GMPR: variants seen among roughly 807,000 people sequenced by gnomAD.
The protein encoded by GMPR is guanosine monophosphate reductase, also known as GMP reductase 1.
GMPR carries 31 observed loss-of-function variants against 38.4 expected under a neutral mutation model. The observed-to-expected ratio is 0.81, with a 90% CI of 0.61 to 1.09. The LOEUF (loss-of-function observed/expected upper bound fraction) is 1.09, where lower values mean the gene tolerates loss of function less well. Ranked by LOEUF, GMPR falls within the 50% of genes least tolerant of loss-of-function variation. The pLI is 0.00. For missense variants in GMPR, 468 were observed against 453.7 expected, an observed-to-expected ratio of 1.03 and a Z score of -0.29; for synonymous variants, 162 against 173.3, an observed-to-expected ratio of 0.93 and a Z score of 0.51.
At chr6:16,256,937 AC>A (rs1758991925) in intron 4 of GMPR, among the ~76,000 whole-genome samples, 1 of 151,982 alleles carries the variant, frequency 6.6e-6, no homozygotes, top group South Asian at 2.1e-4. Context: ...TTAATCTTTG[AC>A]CCTGGTTCCT....
chr6:16,293,519 T>C lies in GMPR; in HGVS notation c.858-1487T>C, dbSNP rs551402210. Among the ~76,000 whole-genome samples the C allele has an allele frequency of 2.0e-5, 3 of 152,314 alleles. No homozygotes were observed. In the East Asian group the frequency reaches 5.8e-4, roughly 29 times the overall value. On this transcript the variant is annotated intron_variant, in intron 8 of 8. Coordinates refer to ENST00000259727, the MANE Select transcript of GMPR (RefSeq NM_006877.4). ...GTTCAGCAACCAAGAGTTAAGCCCC[T>C]TTTGAAATTCTAGATAATGAATGTC...
intron 6 of GMPR, among the ~76,000 whole-genome samples, chr6:16,281,825 G>A (rs1759580165): frequency 6.6e-6 from 1 of 152,116 alleles, no homozygotes; most frequent in South Asian, 2.1e-4. Context: ...TTCCTTTTAC[G>A]TCAATGCTGA....
chr6:16,263,302 C>A (rs1346762436), intron 4 of GMPR: 1 of 151,874 alleles, frequency 6.6e-6, no homozygotes, highest in East Asian at 1.9e-4. Flanking sequence ...TTGAAAGTGC[C>A]ATTTTCCGGC....
chr6:16,277,459 C>T (rs531712396), intron 5 of GMPR, among the ~76,000 whole-genome samples: 1 of 152,232 alleles, frequency 6.6e-6, no homozygotes, highest in Admixed American at 6.5e-5. Flanking sequence ...CACCTTTACC[C>T]TGTCCCCAGA....
chr6:16,277,130 G>C (rs888019282), intron 5 of GMPR, among the ~76,000 whole-genome samples: 4 of 152,310 alleles, frequency 2.6e-5, no homozygotes, highest in South Asian at 2.1e-4. Context: ...GTTGCAGGGC[G>C]GGGGGAAGGC....
intron 4 of GMPR, among the ~76,000 whole-genome samples, chr6:16,261,329 A>T (rs1759081972): frequency 6.6e-6 from 1 of 151,998 alleles, no homozygotes; most frequent in South Asian, 2.1e-4. Context: ...TTTGGGCTTG[A>T]CTGAAGTAAT....
chr6:16,290,261 G>GT lies in GMPR; in HGVS notation c.698-200dup. On this transcript the variant is annotated intron_variant, in intron 7 of 8. Coordinates refer to ENST00000259727, the MANE Select transcript of GMPR (RefSeq NM_006877.4). The stretch of plus-strand genomic sequence containing the variant: ...CAGTAGGCTGCATTTGTTTCTCGCA[G>GT]TGTCCCATGGCCCTTTCTCCCTGCA... 1.6e-5 allele frequency: 10 copies of GT among 627,954 alleles called. No individual in the cohort carries two copies. In the South Asian group the frequency reaches 2.0e-4, roughly 12 times the overall value. 38.9% of individuals were successfully genotyped at this position (627,954 alleles called of 1,614,324 possible).
chr6:16,271,008 A>C lies in GMPR; in HGVS notation c.466-3407A>C, dbSNP rs772851551. ...TAGAGACCAGCCTGGGCAACATAGC[A>C]AGGCCCTATCTCTGCTTTAAAAATA... On this transcript the variant is annotated intron_variant, in intron 4 of 8. Coordinates refer to ENST00000259727, the MANE Select transcript of GMPR (RefSeq NM_006877.4). Among the ~76,000 whole-genome samples the C allele has an allele frequency of 1.3e-3, 197 of 151,812 alleles. 1 individual carries two copies. The highest frequency in any genetic ancestry group is 2.3e-3 in the Non-Finnish European group (154 of 67,928).
At chr6:16,271,596 C>T (rs1461459252) in intron 4 of GMPR, among the ~76,000 whole-genome samples, 2 of 152,172 alleles carry the variant, frequency 1.3e-5, no homozygotes, top group Non-Finnish European at 2.9e-5. Context: ...AGAACTGGAG[C>T]TCGCGCCCTG....
intron 8 of GMPR, among the ~76,000 whole-genome samples, chr6:16,292,916 C>T (rs1416115690): frequency 1.3e-5 from 2 of 152,146 alleles, no homozygotes; most frequent in Non-Finnish European, 2.9e-5. Flanking sequence ...AAAGTGGATT[C>T]AAATCTTTAA....
intron 8 of GMPR, among the ~76,000 whole-genome samples, chr6:16,294,435 T>C (rs1343427289): frequency 1.3e-5 from 2 of 152,234 alleles, no homozygotes; most frequent in Non-Finnish European, 2.9e-5. Flanking sequence ...CTATCCATTT[T>C]ATGTCCTCCT....
chr6:16,294,180 C>G (rs914678940), intron 8 of GMPR, among the ~76,000 whole-genome samples: 1 of 152,166 alleles, frequency 6.6e-6, no homozygotes, highest in South Asian at 2.1e-4. Context: ...AAAATGTGAA[C>G]GTTGCTATCC....
At position 16,295,276 on chromosome 6, in the gene GMPR, G is replaced by A; in HGVS notation, c.*90G>A. The A allele has an allele frequency of 1.0e-6, 1 of 983,226 alleles. No individual in the cohort carries two copies. Among genetic ancestry groups the A allele is most frequent in the Non-Finnish European group, 1.4e-6 (1 of 701,840 alleles). The allele number at this position is 983,226 out of a possible 1,614,324, so 60.9% of individuals were successfully genotyped here. A position where few individuals can be genotyped will look rare whatever the true frequency, so the allele number is the denominator to read the frequency against. On this transcript the variant is annotated 3_prime_UTR_variant, in exon 9 of 9. Transcript: ENST00000259727. ...CCAAGTCTGTTCCGTCAGAGCTTCT[G>A]GCTGCTCCTGAATGGTGGAATGCTG... is the stretch of plus-strand genomic sequence containing the variant.
chr6:16,264,522 T>C (rs1042439356), intron 4 of GMPR: 7 of 153,962 alleles, frequency 4.5e-5, no homozygotes, highest in Admixed American at 2.6e-4. Context: ...ACAGGCTTTG[T>C]GTGAGCAACA....
intron 4 of GMPR, among the ~76,000 whole-genome samples, chr6:16,265,990 G>T (rs553060216): frequency 1.3e-5 from 2 of 152,168 alleles, no homozygotes; most frequent in Non-Finnish European, 2.9e-5. Context: ...CAACCTTTAA[G>T]AGCTGTAACA....
chr6:16,294,698 T>C (rs143679424), intron 8 of GMPR, among the ~76,000 whole-genome samples: 1 of 152,262 alleles, frequency 6.6e-6, no homozygotes, highest in Non-Finnish European at 1.5e-5. Context: ...CTGGAGAGAA[T>C]GGCACCAAGC....
chr6:16,265,953 C>A (rs528917437), intron 4 of GMPR, among the ~76,000 whole-genome samples: 3 of 152,010 alleles, frequency 2.0e-5, no homozygotes, highest in South Asian at 4.1e-4. Context: ...AGCCACCCGC[C>A]GGGAGAAAGG....
chr6:16,283,452 C>G (rs1216961883), intron 6 of GMPR, among the ~76,000 whole-genome samples: 1 of 152,160 alleles, frequency 6.6e-6, no homozygotes, highest in East Asian at 1.9e-4. Context: ...CATGTCTGTC[C>G]TAAGGCATCA....
At chr6:16,289,149 A>G (rs1307484013) in intron 7 of GMPR, among the ~76,000 whole-genome samples, 3 of 152,156 alleles carry the variant, frequency 2.0e-5, no homozygotes, top group Admixed American at 2.0e-4. Context: ...GAGCTGTGCT[A>G]TTTGCCGGGA....
Sources: allele counts gnomAD v4.1 joint callset (sites outside exome capture counted in the v4.1 genomes callset), GRCh38; gene constraint gnomAD v4.1.1; transcripts MANE v1.5; gene names NCBI Gene and HGNC (gene_info 2026-07-23, HGNC 2026-07-21).